PCDH11X: variants seen among roughly 807,000 people sequenced by gnomAD.
PCDH11X encodes the protein protocadherin 11 X-linked.
PCDH11X carries 18 observed loss-of-function variants against 53.3 expected under a neutral mutation model. The ratio of observed to expected loss-of-function variants is 0.34; its 90% CI spans 0.23 to 0.50. PCDH11X has a LOEUF of 0.50. PCDH11X is among the 20% of genes least tolerant of loss of function. The pLI, the probability that PCDH11X is intolerant of heterozygous loss-of-function variation, is 0.98. For missense variants in PCDH11X, 570 were observed against 1,032.4 expected (o/e 0.55, Z 6.14); for synonymous variants, 279 against 393.3 (o/e 0.71, Z 3.44).
chrX:91,886,731 G>T (rs1189415258), intron 6 of PCDH11X, among the ~76,000 whole-genome samples: 1 of 109,460 alleles, frequency 9.1e-6, no homozygotes, highest in Non-Finnish European at 1.9e-5. Context: ...CAGTACTTTG[G>T]GAGGCCAAGG....
At chrX:92,279,166 G>A (rs1409582410) in intron 8 of PCDH11X, among the ~76,000 whole-genome samples, 1 of 111,913 alleles carries the variant, frequency 8.9e-6, no homozygotes, top group Non-Finnish European at 1.9e-5. Flanking sequence ...TGTTCAAATA[G>A]CATTCTCCTT....
At chrX:92,279,600 A>G (rs1456904143) in intron 8 of PCDH11X, among the ~76,000 whole-genome samples, 2 of 112,701 alleles carry the variant, frequency 1.8e-5, no homozygotes, top group African/African-American at 6.4e-5. Context: ...TGTAATACTT[A>G]TATAAAGTTG....
intron 6 of PCDH11X, among the ~76,000 whole-genome samples, chrX:92,055,995 C>T (rs2063443739): frequency 9.1e-6 from 1 of 109,472 alleles, no homozygotes; most frequent in Non-Finnish European, 1.9e-5. Flanking sequence ...TTGTAGTGAA[C>T]ATATGTGTAC....
At chrX:92,369,581 G>T (rs1439159112) in intron 8 of PCDH11X, among the ~76,000 whole-genome samples, 2 of 111,131 alleles carry the variant, frequency 1.8e-5, no homozygotes, top group Non-Finnish European at 3.8e-5. Context: ...CTTGCAGCTA[G>T]GTCGGTGTCT....
intron 6 of PCDH11X, among the ~76,000 whole-genome samples, chrX:91,900,923 CTG>C (rs1445621451): frequency 9.0e-6 from 1 of 111,370 alleles, no homozygotes; most frequent in Non-Finnish European, 1.9e-5. Context: ...GAAATGGTAA[CTG>C]TAGTGATTCT....
chrX:92,270,784 T>TA (rs1184461918), intron 8 of PCDH11X, among the ~76,000 whole-genome samples: 1 of 112,237 alleles, frequency 8.9e-6, no homozygotes, highest in Non-Finnish European at 1.9e-5. Context: ...AGTAGCTATC[T>TA]ATGGAGCTAT....
intron 6 of PCDH11X, among the ~76,000 whole-genome samples, chrX:92,124,947 C>T (rs1276485516): frequency 1.8e-5 from 2 of 111,273 alleles, no homozygotes; most frequent in African/African-American, 3.3e-5. Flanking sequence ...ATTTCTACTG[C>T]CTAAAGAATG....
At chrX:91,915,098 C>G (rs1489855586) in intron 6 of PCDH11X, among the ~76,000 whole-genome samples, 2 of 104,772 alleles carry the variant, frequency 1.9e-5, no homozygotes, top group Non-Finnish European at 3.9e-5. Flanking sequence ...TCTTTAGCCC[C>G]CTGAAACAAA....
At chrX:91,970,814 C>T (rs1336753421) in intron 6 of PCDH11X, among the ~76,000 whole-genome samples, 1 of 111,445 alleles carries the variant, frequency 9.0e-6, no homozygotes, top group East Asian at 2.8e-4. Context: ...TATAGTGATA[C>T]CTACCTTACT....
intron 6 of PCDH11X, among the ~76,000 whole-genome samples, chrX:92,156,983 G>A (rs891016874): frequency 8.9e-6 from 1 of 111,880 alleles, no homozygotes; most frequent in African/African-American, 3.2e-5. Context: ...ACTAAGGCAG[G>A]AGGTTTATGT....
In PCDH11X at chrX:92,265,702, A is replaced by G. The variant is rs750528827; in HGVS notation, c.3144+2559A>G. On this transcript the variant is annotated intron_variant, in intron 8 of 10. Coordinates refer to ENST00000682573, the MANE Select transcript of PCDH11X (RefSeq NM_032968.5). ...TTTTACAGATGAGGAATGGTGATAC[A>G]TCGAGCTTAAGTGGCTTGCCTAAGG... is the stretch of plus-strand genomic sequence containing the variant. Among the ~76,000 whole-genome samples, 5 of 111,170 alleles carry G rather than the reference A, an allele frequency of 4.5e-5. No individual in the cohort carries two copies. In the South Asian group the frequency reaches 1.9e-3, roughly 43 times the overall value.
At chrX:92,563,069 TTTTTTTTTTTTTG>T (rs1855197085) in intron 10 of PCDH11X, among the ~76,000 whole-genome samples, 1 of 85,200 alleles carries the variant, frequency 1.2e-5, no homozygotes, top group African/African-American at 4.4e-5. Flanking sequence ...TTTTTTTTTT[TTTTTTTTTTTTTG>T]TGAAATAGCT....
chrX:91,825,569 A>G, intron 4 of PCDH11X, among the ~76,000 whole-genome samples: 1 of 111,106 alleles, frequency 9.0e-6, no homozygotes, highest in Middle Eastern at 4.6e-3. Flanking sequence ...ACCTGCGCCC[A>G]CTGTGTGGCA....
intron 9 of PCDH11X, among the ~76,000 whole-genome samples, chrX:92,418,271 T>A (rs1423733925): frequency 2.7e-5 from 3 of 110,925 alleles, no homozygotes; most frequent in Non-Finnish European, 3.8e-5. Context: ...CAAATTTTTT[T>A]ATTATCTATA....
intron 1 of PCDH11X, among the ~76,000 whole-genome samples, chrX:91,796,950 A>G (rs2147531149): frequency 8.9e-6 from 1 of 111,734 alleles, no homozygotes; most frequent in Non-Finnish European, 1.9e-5. Context: ...GCGAAATATA[A>G]ATGTATTTTT....
chrX:92,557,769 T>C (rs962047956), intron 10 of PCDH11X, among the ~76,000 whole-genome samples: 3 of 110,216 alleles, frequency 2.7e-5, no homozygotes, highest in Non-Finnish European at 5.7e-5. Flanking sequence ...TTTATAGCAG[T>C]GCACCAGTAC....
At chrX:92,285,980 A>G (rs959191703) in intron 8 of PCDH11X, among the ~76,000 whole-genome samples, 9 of 112,840 alleles carry the variant, frequency 8.0e-5, no homozygotes, top group African/African-American at 2.9e-4. Flanking sequence ...CTTAAGGCAC[A>G]GATCGCTCAT....
intron 10 of PCDH11X, among the ~76,000 whole-genome samples, chrX:92,610,718 A>G (rs1270579499): frequency 4.5e-5 from 5 of 111,119 alleles, no homozygotes; most frequent in Non-Finnish European, 9.5e-5. Context: ...TAGAATTCTT[A>G]CAGTTATTGG....
rs1446955509 is a variant in PCDH11X, at chrX:91,878,352, C to T, written c.2112C>T (p.Asp704=). 5.0e-6 allele frequency: 6 copies of T among 1,207,206 alleles called. No individual in the cohort carries two copies. Among genetic ancestry groups the T allele is most frequent in the Non-Finnish European group, 6.7e-6 (6 of 892,890 alleles). ...TTCAGGTAATTGCTGTTGACAATGA[C>T]ACTGGCATGAATGCAGAGGTTCGTT... The part of the protein sequence containing the change: ...VVFQVIAVDN[D]TGMNAEVRYS... The change falls in exon 6 of 11, where the codon GAC becomes GAT. Residue 704 remains aspartate (D), a synonymous_variant. Coordinates refer to ENST00000682573, the MANE Select transcript of PCDH11X (RefSeq NM_032968.5).
Sources: gnomAD v4.1 joint callset for allele counts (sites outside exome capture counted in the v4.1 genomes callset) on GRCh38, gnomAD v4.1.1 for gene constraint, MANE v1.5 for transcripts, NCBI Gene and HGNC (gene_info 2026-07-23, HGNC 2026-07-21) for gene names.